Variants in SLC45A4 observed in about 807,000 individuals in gnomAD.
SLC45A4 encodes polyamine-transporter SLC45A4.
In SLC45A4, 32 loss-of-function variants were observed where a neutral mutation model predicts 63.7. The ratio of observed to expected loss-of-function variants is 0.50; its 90% CI spans 0.38 to 0.67. The LOEUF (loss-of-function observed/expected upper bound fraction) is 0.67, where lower values mean the gene tolerates loss of function less well. SLC45A4 is among the 30% of genes least tolerant of loss of function. The pLI is 0.00. For synonymous variants in SLC45A4, 535 were observed against 510.0 expected, an observed-to-expected ratio of 1.05 and a Z score of -0.66; for missense variants, 1,027 against 1,157.7, an observed-to-expected ratio of 0.89 and a Z score of 1.64.
intron 1 of SLC45A4, among the ~76,000 whole-genome samples, chr8:141,306,831 C>A (rs763649462): frequency 3.3e-5 from 5 of 152,226 alleles, no homozygotes; most frequent in South Asian, 2.1e-4. Flanking sequence ...TCAGAATCTA[C>A]CAGCCCACAA....
chr8:141,305,781 A>G (rs1589872572), intron 1 of SLC45A4, among the ~76,000 whole-genome samples: 1 of 151,402 alleles, frequency 6.6e-6, no homozygotes, highest in South Asian at 2.1e-4. Context: ...CCTGCGCTGC[A>G]CTCCTCTGTC....
chr8:141,296,024 C>G (rs545946018), intron 1 of SLC45A4, among the ~76,000 whole-genome samples: 2 of 152,276 alleles, frequency 1.3e-5, no homozygotes, highest in East Asian at 3.9e-4. Flanking sequence ...TGGTGAGACC[C>G]TCCCTATATA....
At chr8:141,294,409 G>A (rs543342078) in intron 1 of SLC45A4, among the ~76,000 whole-genome samples, 2 of 152,322 alleles carry the variant, frequency 1.3e-5, no homozygotes, top group East Asian at 3.9e-4. Context: ...AGGCAGCCCT[G>A]ACCCCAGCCC....
At chr8:141,305,634 A>G (rs1439211774) in intron 1 of SLC45A4, among the ~76,000 whole-genome samples, 1 of 151,936 alleles carries the variant, frequency 6.6e-6, no homozygotes, top group Non-Finnish European at 1.5e-5. Flanking sequence ...CTTGTCAGTC[A>G]CCCTCACTCG....
At chr8:141,276,848 C>T (rs1589843089) in intron 1 of SLC45A4, among the ~76,000 whole-genome samples, 1 of 152,248 alleles carries the variant, frequency 6.6e-6, no homozygotes, top group African/African-American at 2.4e-5. Flanking sequence ...GCCCAGACAG[C>T]GCTGGGCTTC....
At chr8:141,217,392 C>G (rs767032833) in intron 5 of SLC45A4, among the ~76,000 whole-genome samples, 1 of 152,250 alleles carries the variant, frequency 6.6e-6, no homozygotes, top group African/African-American at 2.4e-5. Context: ...TGTTCTGTGA[C>G]GTGACTCTGC....
At position 141,219,805 on chromosome 8, in the gene SLC45A4, T is replaced by C. The variant is rs61995884; in HGVS notation, c.455A>G (p.Asn152Ser). The change falls in exon 4 of 9, where the codon AAC becomes AGC. Residue 152 changes from asparagine to serine, a missense_variant. Coordinates refer to ENST00000517878, the MANE Select transcript of SLC45A4 (RefSeq NM_001286646.2). ...GAGCACGATGCCAATGGGCTGCCGG[T>C]TGGGGACATCGCCGAGGGCCAGACC... ...AIGLALGDVP[N>S]RQPIGIVLTV... 4,605 of 1,590,258 alleles carry C rather than the reference T, an allele frequency of 2.9e-3. 9 individuals are homozygous for C. The highest frequency in any genetic ancestry group is 3.5e-3 in the Non-Finnish European group (4,087 of 1,169,342).
intron 2 of SLC45A4, among the ~76,000 whole-genome samples, chr8:141,233,054 T>C (rs1827447276): frequency 6.6e-6 from 1 of 152,106 alleles, no homozygotes; most frequent in African/African-American, 2.4e-5. Flanking sequence ...CGAAAGGGAG[T>C]CGGGCATTAG....
In SLC45A4 at chr8:141,229,237, C is replaced by G. The variant is rs1827209533; in HGVS notation, c.242-7472G>C. 6.6e-6 allele frequency among the ~76,000 whole-genome samples: 1 copy of G among 152,086 alleles called. No homozygotes were observed. The highest frequency in any genetic ancestry group is 2.4e-5 in the African/African-American group (1 of 41,402). ...CCGTAACCCACCCGCCACCTGCAGT[C>G]AGAGTGACCACCTAAAACCCACTGC... On this transcript the variant is annotated intron_variant, in intron 2 of 8. Transcript: ENST00000517878. This position sits in a 1 kb window ranked among gnomAD's most constrained non-coding sequence, Gnocchi z 5.0.
chr8:141,255,588 C>T (rs10100269), intron 1 of SLC45A4, among the ~76,000 whole-genome samples: 42,768 of 151,914 alleles, frequency 0.28, 6,223 homozygotes, highest in East Asian at 0.39. Flanking sequence ...TGGTGGCGGG[C>T]GCCTGTAATA....
intron 2 of SLC45A4, among the ~76,000 whole-genome samples, chr8:141,233,763 G>A (rs929666237): frequency 4.6e-5 from 7 of 152,170 alleles, no homozygotes; most frequent in Non-Finnish European, 8.8e-5. Flanking sequence ...TGCCCAAGAC[G>A]GCAGGCCCCT....
At chr8:141,284,725 C>T (rs1016286552) in intron 1 of SLC45A4, among the ~76,000 whole-genome samples, 8 of 152,164 alleles carry the variant, frequency 5.3e-5, no homozygotes, top group Non-Finnish European at 1.0e-4. Context: ...GATGAAACGC[C>T]TACCCCAGTA....
intron 2 of SLC45A4, chr8:141,228,597 C>T: frequency 8.8e-7 from 1 of 1,137,700 alleles, no homozygotes; most frequent in Non-Finnish European, 1.1e-6. Context: ...ATTCTCGGCT[C>T]TTTAAAACAG....
intron 2 of SLC45A4, among the ~76,000 whole-genome samples, chr8:141,238,894 G>A (rs964337711): frequency 7.9e-5 from 12 of 152,202 alleles, no homozygotes; most frequent in African/African-American, 2.9e-4. Flanking sequence ...CAGACTGTGG[G>A]AGGTGCTATG....
chr8:141,279,869 A>G (rs911991019), intron 1 of SLC45A4, among the ~76,000 whole-genome samples: 3 of 152,282 alleles, frequency 2.0e-5, no homozygotes, highest in African/African-American at 7.2e-5. Context: ...TTCAAAGATT[A>G]ATAAAGTTCC....
intron 2 of SLC45A4, among the ~76,000 whole-genome samples, chr8:141,241,255 C>A (rs139644547): frequency 5.3e-5 from 8 of 152,366 alleles, no homozygotes; most frequent in African/African-American, 1.9e-4. Flanking sequence ...CCAAGAAGGG[C>A]GACAGACGGC....
intron 2 of SLC45A4, among the ~76,000 whole-genome samples, chr8:141,240,487 G>C (rs1451848048): frequency 1.3e-5 from 2 of 152,242 alleles, no homozygotes; most frequent in African/African-American, 4.8e-5. Flanking sequence ...ACGGAGCTGA[G>C]CGTGACTCAG....
In SLC45A4 at chr8:141,253,860, G is replaced by C. The variant is rs777892052; in HGVS notation, c.241+129C>G. On this transcript the variant is annotated intron_variant, in intron 2 of 8. Transcript: ENST00000517878. ...CCATCAGGGCAGGCTGAAGGGAGAG[G>C]AGACAAAGACTCCAGTGCCCGGGGC... The C allele has an allele frequency of 2.9e-6, 4 of 1,400,858 alleles. No homozygotes were observed. In the African/African-American group the frequency reaches 5.7e-5, roughly 20 times the overall value. The allele number at this position is 1,400,858 out of a possible 1,614,324, so 86.8% of individuals were successfully genotyped here. A position where few individuals can be genotyped will look rare whatever the true frequency, so the allele number is the denominator to read the frequency against.
intron 2 of SLC45A4, among the ~76,000 whole-genome samples, chr8:141,244,968 G>GGGGGGGGGGGGGGGGGC (rs1569558620): frequency 1.4e-5 from 1 of 71,834 alleles, no homozygotes; most frequent in Non-Finnish European, 3.6e-5. Flanking sequence ...GGGGGGGGGG[G>GGGGGGGGGGGGGGGGGC]GCGGTGTGGA....
Sources: allele counts gnomAD v4.1 joint callset (sites outside exome capture counted in the v4.1 genomes callset), GRCh38; gene constraint gnomAD v4.1.1; non-coding constraint Gnocchi (gnomAD v3.1); transcripts MANE v1.5; gene names NCBI Gene and HGNC (gene_info 2026-07-23, HGNC 2026-07-21).